The following B3GALT1 variants were observed in gnomAD, a reference collection of about 807,000 sequenced individuals.
B3GALT1 encodes UDP-Gal:betaGlcNAc beta 1,3-galactosyltransferase, polypeptide 1.
B3GALT1 carries 10 observed loss-of-function variants against 23.2 expected under a neutral mutation model. The observed-to-expected ratio is 0.43, with a 90% CI of 0.27 to 0.73. The LOEUF (loss-of-function observed/expected upper bound fraction) is 0.73, where lower values mean the gene tolerates loss of function less well. Ranked by LOEUF, B3GALT1 falls within the 30% of genes least tolerant of loss-of-function variation. B3GALT1 has a pLI of 0.21. For synonymous variants in B3GALT1, 156 were observed against 141.5 expected, an observed-to-expected ratio of 1.10 and a Z score of -0.73; for missense variants, 299 against 405.4, an observed-to-expected ratio of 0.74 and a Z score of 2.25.
At chr2:167,549,650 C>T (rs1574131413) in intron 2 of B3GALT1, among the ~76,000 whole-genome samples, 1 of 152,278 alleles carries the variant, frequency 6.6e-6, no homozygotes, top group East Asian at 1.9e-4. Flanking sequence ...TAGGCATAAG[C>T]AGCCTCTCTA....
chr2:167,732,437 C>T (rs568505573), intron 3 of B3GALT1, among the ~76,000 whole-genome samples: 2 of 152,264 alleles, frequency 1.3e-5, no homozygotes, highest in South Asian at 2.1e-4. Flanking sequence ...AGCAGATGGC[C>T]AGAATTAAGT....
chr2:167,671,979 G>C (rs1686337889), intron 3 of B3GALT1, among the ~76,000 whole-genome samples: 1 of 152,038 alleles, frequency 6.6e-6, no homozygotes, highest in South Asian at 2.1e-4. Flanking sequence ...GATCATAAAA[G>C]ACTTCTGTGA....
intron 3 of B3GALT1, among the ~76,000 whole-genome samples, chr2:167,674,741 C>T (rs1686392565): frequency 6.6e-6 from 1 of 152,068 alleles, no homozygotes; most frequent in Non-Finnish European, 1.5e-5. Flanking sequence ...AAAAATCAAG[C>T]TTTGTCTGTT....
chr2:167,868,672 GTT>G (rs1186702590), intron 4 of B3GALT1, among the ~76,000 whole-genome samples, 137 bp from the exon 5 acceptor site: 1 of 152,156 alleles, frequency 6.6e-6, no homozygotes, highest in Non-Finnish European at 1.5e-5. Flanking sequence ...ATGACAGGAA[GTT>G]TTTGGTACTG....
intron 1 of B3GALT1, among the ~76,000 whole-genome samples, chr2:167,449,074 C>T (rs1179148348): frequency 2.6e-5 from 4 of 151,914 alleles, no homozygotes; most frequent in African/African-American, 9.7e-5. Context: ...TCCTTTGGTT[C>T]TGAGGGCTAT....
At chr2:167,680,954 C>T (rs1686519149) in intron 3 of B3GALT1, among the ~76,000 whole-genome samples, 1 of 152,110 alleles carries the variant, frequency 6.6e-6, no homozygotes, top group Non-Finnish European at 1.5e-5. Context: ...GTGTTCCAGT[C>T]ATTTAAAAAA....
intron 3 of B3GALT1, among the ~76,000 whole-genome samples, chr2:167,804,118 T>C (rs1300848037): frequency 1.3e-5 from 2 of 152,128 alleles, no homozygotes; most frequent in African/African-American, 4.8e-5. Context: ...GACTCCCAAG[T>C]AGCTGGGATT....
chr2:167,501,718 C>CAAAAAAA (rs35445623), intron 2 of B3GALT1, among the ~76,000 whole-genome samples: 4 of 65,384 alleles, frequency 6.1e-5, no homozygotes, highest in African/African-American at 1.7e-4. Context: ...TCTACAGTGG[C>CAAAAAAA]AAAAAAAAAA....
intron 3 of B3GALT1, among the ~76,000 whole-genome samples, chr2:167,649,604 T>C (rs528017436): frequency 6.6e-6 from 1 of 152,264 alleles, no homozygotes; most frequent in Admixed American, 6.5e-5. Context: ...TCAAGGGCCA[T>C]CCACACCAGT....
At chr2:167,804,334 T>C (rs532540114) in intron 3 of B3GALT1, among the ~76,000 whole-genome samples, 4,972 of 152,044 alleles carry the variant, frequency 0.033, 116 homozygotes, top group South Asian at 0.069. Flanking sequence ...CTTTTTTTTT[T>C]TAATTATTAT....
At chr2:167,759,061 C>T (rs1040192880) in intron 3 of B3GALT1, among the ~76,000 whole-genome samples, 3 of 152,190 alleles carry the variant, frequency 2.0e-5, no homozygotes, top group Non-Finnish European at 4.4e-5. Context: ...AATAATCGAC[C>T]TCTCTTAAAG....
Position 167,497,989 on chromosome 2 carries a change from G to A in B3GALT1, c.-410+7712G>A, listed in dbSNP as rs144128136. On this transcript the variant is annotated intron_variant, in intron 2 of 4. Transcript: ENST00000392690. The stretch of plus-strand genomic sequence containing the variant: ...AATCTGTCTTTGGTTAAAAAAAAGT[G>A]CCAACAAGTTTGAAAGCCTAAAGTT... Among the ~76,000 whole-genome samples, 1,336 of 152,096 alleles carry A rather than the reference G, an allele frequency of 8.8e-3. 5 individuals carry two copies. Among genetic ancestry groups the A allele is most frequent in the Non-Finnish European group, 0.015 (1,040 of 67,982 alleles).
At chr2:167,339,649 C>T (rs564952741) in intron 1 of B3GALT1, among the ~76,000 whole-genome samples, 1 of 152,138 alleles carries the variant, frequency 6.6e-6, no homozygotes, top group African/African-American at 2.4e-5. Flanking sequence ...ATGTATTTTG[C>T]TAGTCTAACA....
intron 2 of B3GALT1, among the ~76,000 whole-genome samples, chr2:167,603,001 G>A (rs1363234359): frequency 6.6e-6 from 1 of 152,100 alleles, no homozygotes; most frequent in African/African-American, 2.4e-5. Context: ...AATAATGGCA[G>A]GATCAAATAA....
intron 4 of B3GALT1, among the ~76,000 whole-genome samples, chr2:167,845,254 TG>T (rs1258058893): frequency 2.0e-5 from 3 of 152,130 alleles, no homozygotes; most frequent in Non-Finnish European, 4.4e-5. Context: ...TGGTGCTCTC[TG>T]GAAAGCGCCA....
At chr2:167,415,870 G>C (rs934268721) in intron 1 of B3GALT1, among the ~76,000 whole-genome samples, 2 of 152,114 alleles carry the variant, frequency 1.3e-5, no homozygotes, top group Non-Finnish European at 2.9e-5. Context: ...CAATGAATTA[G>C]GATATCTGAT....
At chr2:167,849,301 G>A (rs1689823022) in intron 4 of B3GALT1, among the ~76,000 whole-genome samples, 1 of 152,234 alleles carries the variant, frequency 6.6e-6, no homozygotes, top group Non-Finnish European at 1.5e-5. Flanking sequence ...GAACAAATCT[G>A]GAGGCATCAC....
At chr2:167,736,702 G>A (rs1194179708) in intron 3 of B3GALT1, among the ~76,000 whole-genome samples, 1 of 152,100 alleles carries the variant, frequency 6.6e-6, no homozygotes, top group African/African-American at 2.4e-5. Context: ...AGGAGTTTGA[G>A]ACCAACCTGG....
chr2:167,508,633 A>G (rs1653430), intron 2 of B3GALT1, among the ~76,000 whole-genome samples: 75,735 of 151,860 alleles, frequency 0.5, 21,873 homozygotes, highest in East Asian at 0.98. Context: ...TTTTTTTTAG[A>G]GTTTCTAATA....
Sources: allele counts gnomAD v4.1 joint callset (sites outside exome capture counted in the v4.1 genomes callset), GRCh38; gene constraint gnomAD v4.1.1; transcripts MANE v1.5; gene names NCBI Gene and HGNC (gene_info 2026-07-23, HGNC 2026-07-21).